SYT7: variants seen among roughly 807,000 people sequenced by gnomAD.
The protein encoded by SYT7 is synaptotagmin 7.
A neutral mutation model predicts 75.1 loss-of-function variants in SYT7; 29 were observed. The observed-to-expected ratio is 0.39, with a 90% CI of 0.29 to 0.53. SYT7 has a LOEUF of 0.53. SYT7 is among the 20% of genes least tolerant of loss of function. The pLI is 0.77. For synonymous variants in SYT7, 376 were observed against 401.7 expected (o/e 0.94, Z 0.76); for missense variants, 693 against 953.2 (o/e 0.73, Z 3.59).
At chr11:61,544,601 C>A (rs908358893) in intron 5 of SYT7, among the ~76,000 whole-genome samples, 1 of 152,152 alleles carries the variant, frequency 6.6e-6, no homozygotes, top group Non-Finnish European at 1.5e-5. Context: ...GCCTCCTCCC[C>A]CTCCTTGGTG....
At chr11:61,583,130 G>C (rs1028434980), upstream of SYT7, among the ~76,000 whole-genome samples, 1 of 151,964 alleles carries the variant, frequency 6.6e-6, no homozygotes, top group Non-Finnish European at 1.5e-5. Flanking sequence ...GGGAGGCTGC[G>C]ACGGGAGGAT....
At position 61,531,458 on chromosome 11, in the gene SYT7, G is replaced by T. The variant is rs563210764; in HGVS notation, c.1200+1531C>A. ...GAAGACAGCTGGGGCCAGTCTTCCT[G>T]GGGGGGGGAAGATGGAAGGAGGGCA... On this transcript the variant is annotated intron_variant, in intron 8 of 12. Coordinates refer to ENST00000539008, the MANE Select transcript of SYT7 (RefSeq NM_001365809.2). 1.1e-4 allele frequency among the ~76,000 whole-genome samples: 16 copies of T among 147,072 alleles called. No individual in the cohort carries two copies. The East Asian group carries it at 1.4e-3, about 13-fold the overall frequency.
At chr11:61,577,836 G>A (rs1330851334) in intron 1 of SYT7, among the ~76,000 whole-genome samples, 2 of 152,146 alleles carry the variant, frequency 1.3e-5, no homozygotes, top group Non-Finnish European at 1.5e-5. Context: ...TCCCTCTCTG[G>A]CCTTGCTTAC....
In SYT7 at chr11:61,572,281, C is replaced by T. The variant is rs186274926; in HGVS notation, c.31+8509G>A. On this transcript the variant is annotated intron_variant, in intron 1 of 12. Coordinates refer to ENST00000539008, the MANE Select transcript of SYT7 (RefSeq NM_001365809.2). ...GGAGACAGGGTAGGAAGGAGACTCCCCTCCACTCCAGGAAGAACAAAGGCT... is the reference window on the plus strand; with the variant it reads ...GGAGACAGGGTAGGAAGGAGACTCCTCTCCACTCCAGGAAGAACAAAGGCT... Among the ~76,000 whole-genome samples the T allele has an allele frequency of 4.9e-4, 75 of 152,308 alleles. 1 individual carries two copies. In the East Asian group the frequency reaches 0.014, roughly 28 times the overall value.
At chr11:61,562,216 TTTCTCC>T (rs1406092564) in intron 1 of SYT7, among the ~76,000 whole-genome samples, 1 of 152,206 alleles carries the variant, frequency 6.6e-6, no homozygotes, top group Non-Finnish European at 1.5e-5. Flanking sequence ...TGGGAATTAA[TTTCTCC>T]TGCCTCTGAG....
In SYT7 at chr11:61,554,899, G is replaced by A. The variant is rs185638530; in HGVS notation, c.135+1205C>T. Among the ~76,000 whole-genome samples, 409 of 152,300 alleles carry A rather than the reference G, an allele frequency of 2.7e-3. 2 individuals are homozygous for A. Among genetic ancestry groups the A allele is most frequent in the Middle Eastern group, 6.8e-3 (2 of 294 alleles). On this transcript the variant is annotated intron_variant, in intron 2 of 12. Transcript: ENST00000539008. ...CCACTATGGCTCCTCCCCAGGGGTC[G>A]GAGCTGCCTGAAGTTCAACACCCAG...
chr11:61,544,897 G>A (rs959751549), intron 5 of SYT7, among the ~76,000 whole-genome samples: 1 of 152,156 alleles, frequency 6.6e-6, no homozygotes, highest in Non-Finnish European at 1.5e-5. Flanking sequence ...GGTGGCCTTC[G>A]GTGCTCCCAA....
chr11:61,524,272 T>G lies in SYT7; in HGVS notation c.1641+91A>C, dbSNP rs1430650736. 2.2e-5 allele frequency: 33 copies of G among 1,497,554 alleles called. No individual in the cohort carries two copies. Among genetic ancestry groups the G allele is most frequent in the African/African-American group, 5.5e-5 (4 of 72,132 alleles). The allele number at this position is 1,497,554 out of a possible 1,614,324, so 92.8% of individuals were successfully genotyped here. On this transcript the variant is annotated intron_variant, in intron 10 of 12. Transcript: ENST00000539008. The surrounding 1 kb of genome is among the most constrained non-coding windows in gnomAD (Gnocchi z 4.1). ...TCTGCACCCTCTCCCACAGCCCTCC[T>G]GGCCTTCCTAAGGTTGACAAGGGTC...
chr11:61,579,784 TG>T (rs1042429584), intron 1 of SYT7, among the ~76,000 whole-genome samples: 3 of 152,176 alleles, frequency 2.0e-5, no homozygotes, highest in African/African-American at 7.2e-5. Flanking sequence ...CATCCTGGGC[TG>T]GGGAGTCGTG....
rs531191247 is a variant in SYT7 at position 61,546,021 on chromosome 11, C to T, written c.572+10G>A. 6.5e-7 allele frequency: 1 copy of T among 1,532,406 alleles called. No individual in the cohort carries two copies. The highest frequency in any genetic ancestry group is 2.0e-5 in the Admixed American group (1 of 50,844). 94.9% of individuals were successfully genotyped at this position (1,532,406 alleles called of 1,614,324 possible). On this transcript the variant is annotated intron_variant, in intron 5 of 12. Transcript: ENST00000539008. This position sits in a 1 kb window ranked among gnomAD's most constrained non-coding sequence, Gnocchi z 7.6. ...CATGGCTCCGGCAGCCATGGGGCGC[C>T]ATCACTCACTTGGACAAGTTGAGCT... is the stretch of plus-strand genomic sequence containing the variant.
chr11:61,580,759 G>A lies in SYT7; in HGVS notation c.31+31C>T. ...TGCCGCTGTCCTGCCCGCCGGTGCG[G>A]GGCGCCCCAGCCCGCCGGGGCCGCG... On this transcript the variant is annotated intron_variant, in intron 1 of 12. Coordinates refer to ENST00000539008, the MANE Select transcript of SYT7 (RefSeq NM_001365809.2). The surrounding 1 kb of genome is among the most constrained non-coding windows in gnomAD (Gnocchi z 6.1). The A allele has an allele frequency of 8.1e-7, 1 of 1,232,950 alleles. No individual in the cohort carries two copies. Among genetic ancestry groups the A allele is most frequent in the Non-Finnish European group, 1.0e-6 (1 of 985,642 alleles). The allele number at this position is 1,232,950 out of a possible 1,614,324, so 76.4% of individuals were successfully genotyped here.
At chr11:61,535,842 G>T (rs1056787994) in intron 7 of SYT7, among the ~76,000 whole-genome samples, 6 of 152,180 alleles carry the variant, frequency 3.9e-5, no homozygotes, top group African/African-American at 1.4e-4. Context: ...GTCAGCTGGG[G>T]AGGGAAAGGT....
the SYT7 span, among the ~76,000 whole-genome samples, chr11:61,587,637 T>G: frequency 6.6e-5 from 10 of 152,228 alleles, no homozygotes; most frequent in African/African-American, 2.4e-4. Context: ...GCTGCAGAAT[T>G]CCTGGGGGGC....
chr11:61,553,566 C>T lies in SYT7; in HGVS notation c.136-2103G>A, dbSNP rs2063412088. On this transcript the variant is annotated intron_variant, in intron 2 of 12. Coordinates refer to ENST00000539008, the MANE Select transcript of SYT7 (RefSeq NM_001365809.2). This position sits in a 1 kb window ranked among gnomAD's most constrained non-coding sequence, Gnocchi z 5.2. ...CTCCGAGAACCTTCCCCTCTGGCTT[C>T]GACTATTGCTCTGCAGCAGGAGCCG... Among the ~76,000 whole-genome samples, 1 of 152,170 alleles carries T rather than the reference C, an allele frequency of 6.6e-6. No individual in the cohort carries two copies. Among genetic ancestry groups the T allele is most frequent in the Admixed American group, 6.5e-5 (1 of 15,282 alleles).
At chr11:61,547,541 C>T (rs2063227805) in intron 3 of SYT7, among the ~76,000 whole-genome samples, 2 of 152,058 alleles carry the variant, frequency 1.3e-5, no homozygotes, top group Non-Finnish European at 2.9e-5. Context: ...AATGCACACA[C>T]GCACGCACTC....
intron 1 of SYT7, among the ~76,000 whole-genome samples, chr11:61,579,067 C>T (rs751604289): frequency 6.6e-6 from 1 of 152,140 alleles, no homozygotes; most frequent in Non-Finnish European, 1.5e-5. Context: ...GGTGCCCAGG[C>T]ATGGGAGGAA....
intron 1 of SYT7, among the ~76,000 whole-genome samples, chr11:61,579,528 A>G (rs1164243034): frequency 6.6e-6 from 1 of 152,064 alleles, no homozygotes; most frequent in Admixed American, 6.5e-5. Flanking sequence ...GACTGAAAAG[A>G]ATCGATGGGG....
At chr11:61,564,764 T>A (rs1169996833) in intron 1 of SYT7, among the ~76,000 whole-genome samples, 1 of 152,192 alleles carries the variant, frequency 6.6e-6, no homozygotes, top group Non-Finnish European at 1.5e-5. Context: ...CATGCCCAAA[T>A]TACCCCAGGT....
chr11:61,565,996 G>A (rs981083553), intron 1 of SYT7, among the ~76,000 whole-genome samples: 3 of 152,250 alleles, frequency 2.0e-5, no homozygotes, highest in Non-Finnish European at 4.4e-5. Flanking sequence ...TATCTGGATG[G>A]GCCAGCAGCC....
Sources: allele counts gnomAD v4.1 joint callset (sites outside exome capture counted in the v4.1 genomes callset), GRCh38; gene constraint gnomAD v4.1.1; non-coding constraint Gnocchi (gnomAD v3.1); transcripts MANE v1.5; gene names NCBI Gene and HGNC (gene_info 2026-07-23, HGNC 2026-07-21).